CDH9: variants seen among roughly 807,000 people sequenced by gnomAD.
CDH9 encodes cadherin-9.
Under a neutral mutation model 70.9 loss-of-function variants are expected in CDH9, and 28 were observed. The ratio of observed to expected loss-of-function variants is 0.40; its 90% CI spans 0.29 to 0.54. CDH9 has a LOEUF of 0.54. CDH9 is among the 20% of genes least tolerant of loss of function. CDH9 has a pLI of 0.59. For missense variants in CDH9, 874 were observed against 984.4 expected (o/e 0.89, Z 1.50); for synonymous variants, 409 against 343.1 (o/e 1.19, Z -2.12).
chr5:27,000,084 G>C (rs1484112270), intron 1 of CDH9, among the ~76,000 whole-genome samples: 2 of 152,036 alleles, frequency 1.3e-5, no homozygotes, highest in Admixed American at 1.3e-4. Context: ...ACAGTGTTAA[G>C]AGAATGGAAA....
chr5:26,910,210 T>C (rs1741024887), intron 3 of CDH9, among the ~76,000 whole-genome samples: 1 of 144,432 alleles, frequency 6.9e-6, no homozygotes, highest in Admixed American at 7.1e-5. Context: ...AACCTAGGCC[T>C]CGTATCTATC....
At chr5:26,893,297 T>C (rs1331979172) in intron 7 of CDH9, among the ~76,000 whole-genome samples, 1 of 152,110 alleles carries the variant, frequency 6.6e-6, no homozygotes, top group Admixed American at 6.6e-5. Flanking sequence ...AAAGAGAGTA[T>C]TTGGGCCTTT....
intron 9 of CDH9, among the ~76,000 whole-genome samples, chr5:26,886,975 T>A (rs1381792492): frequency 6.6e-6 from 1 of 152,150 alleles, no homozygotes; most frequent in African/African-American, 2.4e-5. Context: ...TAGTCTAACA[T>A]TGTGTGGTGA....
intron 2 of CDH9, among the ~76,000 whole-genome samples, chr5:26,940,986 T>C (rs1243487287): frequency 6.6e-6 from 1 of 152,210 alleles, no homozygotes; most frequent in Non-Finnish European, 1.5e-5. Context: ...TCATAGAACA[T>C]AAATTGTGCT....
At chr5:26,894,362 A>C (rs1740711114) in intron 7 of CDH9, among the ~76,000 whole-genome samples, 1 of 152,140 alleles carries the variant, frequency 6.6e-6, no homozygotes, top group Admixed American at 6.6e-5. Context: ...GATAAAAATC[A>C]AGCTTTGATA....
At chr5:26,932,099 T>C (rs373082810) in intron 2 of CDH9, among the ~76,000 whole-genome samples, 1 of 149,812 alleles carries the variant, frequency 6.7e-6, no homozygotes, top group East Asian at 2.0e-4. Flanking sequence ...TATTTAGAAG[T>C]GTTATTACTT....
intron 2 of CDH9, among the ~76,000 whole-genome samples, chr5:26,955,809 G>A (rs1741936921): frequency 6.6e-6 from 1 of 152,090 alleles, no homozygotes. Context: ...TGTGCACTAG[G>A]CTAAACGGAA....
At chr5:26,962,810 T>C (rs945838770) in intron 2 of CDH9, among the ~76,000 whole-genome samples, 4 of 152,146 alleles carry the variant, frequency 2.6e-5, no homozygotes, top group African/African-American at 9.7e-5. Context: ...TTGTGCTGCC[T>C]TCCCGTCAGA....
intron 1 of CDH9, among the ~76,000 whole-genome samples, chr5:27,008,664 G>A (rs976413198): frequency 2.0e-5 from 3 of 152,054 alleles, no homozygotes; most frequent in Admixed American, 1.3e-4. Context: ...AATGATATTT[G>A]AGAGGTTCCT....
intron 7 of CDH9, among the ~76,000 whole-genome samples, chr5:26,892,263 T>C (rs906434702): frequency 6.6e-6 from 1 of 152,228 alleles, no homozygotes; most frequent in Non-Finnish European, 1.5e-5. Flanking sequence ...AGTCTTTAAT[T>C]GAGCCATATC....
At chr5:26,894,681 T>G (rs1184041781) in intron 7 of CDH9, among the ~76,000 whole-genome samples, 1 of 152,100 alleles carries the variant, frequency 6.6e-6, no homozygotes, top group Non-Finnish European at 1.5e-5. Flanking sequence ...ATAAATACAT[T>G]GGATTACCAC....
At chr5:26,883,040 CTTATATATATATATATATATAT>C (rs1432701890) in intron 11 of CDH9, among the ~76,000 whole-genome samples, 400 of 28,366 alleles carry the variant, frequency 0.014, 3 homozygotes, top group South Asian at 0.046. Context: ...TCAGGATCAT[CTTATATATATATATATATATAT>C]ATATATATAT....
At chr5:26,946,147 G>C (rs966804350) in intron 2 of CDH9, among the ~76,000 whole-genome samples, 1 of 152,132 alleles carries the variant, frequency 6.6e-6, no homozygotes, top group African/African-American at 2.4e-5. Context: ...TAACTTGAAA[G>C]TTTCTAGCTG....
intron 2 of CDH9, among the ~76,000 whole-genome samples, chr5:26,979,261 G>A (rs950644288): frequency 4.0e-4 from 61 of 151,718 alleles, no homozygotes; most frequent in African/African-American, 1.3e-3. Context: ...TAAGATGAGT[G>A]TATTATATGC....
chr5:26,987,091 C>CTTTTATTT (rs1742500345), intron 2 of CDH9, among the ~76,000 whole-genome samples: 2 of 108,284 alleles, frequency 1.8e-5, no homozygotes, highest in East Asian at 3.3e-4. Context: ...CACTTGTATT[C>CTTTTATTT]TTTTTTTTTT....
intron 1 of CDH9, among the ~76,000 whole-genome samples, chr5:27,004,182 G>A (rs1431709492): frequency 6.6e-6 from 1 of 151,402 alleles, no homozygotes; most frequent in South Asian, 2.1e-4. Flanking sequence ...AGGGAGATAG[G>A]GCATGAGACA....
Position 26,886,093 on chromosome 5 carries a change from AAATT to A in CDH9, c.1513-14_1513-11del, listed in dbSNP as rs756454129. On this transcript the variant is annotated splice_polypyrimidine_tract_variant and intron_variant, in intron 9 of 11. Coordinates refer to ENST00000231021, the MANE Select transcript of CDH9 (RefSeq NM_016279.4). ...TGACAGTCTGAATCAACTGAAACCA[AAATT>A]AATTAATTAATTAATTAAGCCTAAG... The A allele has an allele frequency of 1.2e-4, 186 of 1,575,108 alleles. No homozygotes were observed. Among genetic ancestry groups the A allele is most frequent in the Middle Eastern group, 1.7e-4 (1 of 5,858 alleles).
At chr5:26,931,735 C>T (rs549031843) in intron 2 of CDH9, among the ~76,000 whole-genome samples, 22 of 151,960 alleles carry the variant, frequency 1.4e-4, no homozygotes, top group African/African-American at 3.6e-4. Flanking sequence ...TATATGTATA[C>T]GAAGTGTGTG....
chr5:26,951,576 T>C (rs1741846540), intron 2 of CDH9, among the ~76,000 whole-genome samples: 1 of 152,176 alleles, frequency 6.6e-6, no homozygotes, highest in African/African-American at 2.4e-5. Context: ...AGCAAGTGAC[T>C]GCCCATCTTA....
Sources: gnomAD v4.1 joint callset for allele counts (sites outside exome capture counted in the v4.1 genomes callset) on GRCh38, gnomAD v4.1.1 for gene constraint, MANE v1.5 for transcripts, NCBI Gene and HGNC (gene_info 2026-07-23, HGNC 2026-07-21) for gene names.